CEP85L: variants seen among roughly 807,000 people sequenced by gnomAD.
CEP85L encodes the protein centrosomal protein of 85 kDa-like.
A neutral mutation model predicts 100.3 loss-of-function variants in CEP85L; 60 were observed. That is an observed-to-expected ratio of 0.60 (90% CI 0.49 to 0.74). The LOEUF is 0.74. Ranked by LOEUF, CEP85L falls within the 30% of genes least tolerant of loss-of-function variation. The pLI, the probability that CEP85L is intolerant of heterozygous loss-of-function variation, is 0.00. For missense variants in CEP85L, 973 were observed against 936.2 expected, an observed-to-expected ratio of 1.04 and a Z score of -0.51; for synonymous variants, 319 against 322.7, an observed-to-expected ratio of 0.99 and a Z score of 0.12.
intron 1 of CEP85L, among the ~76,000 whole-genome samples, chr6:118,645,300 A>G (rs1019391170): frequency 1.3e-5 from 2 of 152,038 alleles, no homozygotes; most frequent in African/African-American, 4.8e-5. Flanking sequence ...CCACCTCACC[A>G]ATCTTCTTTT....
intron 6 of CEP85L, among the ~76,000 whole-genome samples, chr6:118,484,460 T>C (rs1774028429): frequency 6.6e-6 from 1 of 152,262 alleles, no homozygotes; most frequent in African/African-American, 2.4e-5. Flanking sequence ...ATAGTTTTTA[T>C]TGCCTGCACA....
intron 1 of CEP85L, among the ~76,000 whole-genome samples, chr6:118,664,053 G>A (rs1392337018): frequency 6.6e-6 from 1 of 151,162 alleles, no homozygotes; most frequent in African/African-American, 2.4e-5. Flanking sequence ...GCACCACTAT[G>A]CCTGCCTAAT....
chr6:118,657,591 G>T (rs772222413), intron 1 of CEP85L, among the ~76,000 whole-genome samples: 1 of 152,208 alleles, frequency 6.6e-6, no homozygotes, highest in Admixed American at 6.5e-5. Context: ...ACTCCAGCCT[G>T]AGCGACAGAG....
chr6:118,635,484 C>T (rs1434345674), intron 1 of CEP85L, among the ~76,000 whole-genome samples: 1 of 152,100 alleles, frequency 6.6e-6, no homozygotes, highest in African/African-American at 2.4e-5. Context: ...ATTACAGGAA[C>T]ATTTACTCCA....
Position 118,593,683 on chromosome 6 carries a change from T to TA in CEP85L, c.233-27368dup, listed in dbSNP as rs35539336. Reference sequence around the variant, plus strand: ...GGCAGCGCATCGCAATAATGCTGTTTAAAAAAAAAAAAAAAAGTATGGTCT... The same window carrying TA: ...GGCAGCGCATCGCAATAATGCTGTTTAAAAAAAAAAAAAAAAAGTATGGTCT... On this transcript the variant is annotated intron_variant, in intron 2 of 12. Transcript: ENST00000368491. Among the ~76,000 whole-genome samples the TA allele has an allele frequency of 3.3e-3, 473 of 142,880 alleles. 4 individuals carry two copies. The highest frequency in any genetic ancestry group is 0.026 in the South Asian group (116 of 4,494). 93.7% of individuals were successfully genotyped at this position (142,880 alleles called of 152,430 possible).
chr6:118,558,511 T>C (rs1256645398), intron 3 of CEP85L, among the ~76,000 whole-genome samples: 1 of 151,792 alleles, frequency 6.6e-6, no homozygotes, highest in African/African-American at 2.4e-5. Flanking sequence ...TGTAGTAAAT[T>C]TGGGAGAAAA....
Position 118,651,448 on chromosome 6 carries a change from C to T in CEP85L, c.-179G>A, listed in dbSNP as rs1323054786. 2 of 1,322,626 alleles carry T rather than the reference C, an allele frequency of 1.5e-6. No individual in the cohort carries two copies. The highest frequency in any genetic ancestry group is 1.9e-6 in the Non-Finnish European group (2 of 1,039,780). 81.9% of individuals were successfully genotyped at this position (1,322,626 alleles called of 1,614,324 possible). The stretch of plus-strand genomic sequence containing the variant: ...GCGGGGAGCGCAGGGGCCAGATTCG[C>T]CGCACTGCCGGCGCCTGCCATGGCC... On this transcript the variant is annotated 5_prime_UTR_variant, in exon 1 of 13. Transcript: ENST00000368491.
At chr6:118,567,247 G>GTATA (rs1323097174) in intron 2 of CEP85L, among the ~76,000 whole-genome samples, 48 of 31,920 alleles carry the variant, frequency 1.5e-3, no homozygotes, top group Non-Finnish European at 2.1e-3. Context: ...GTGTGTGTGT[G>GTATA]TGTATATATA....
chr6:118,637,160 C>CA (rs919770203), intron 1 of CEP85L, among the ~76,000 whole-genome samples: 2 of 152,010 alleles, frequency 1.3e-5, no homozygotes, highest in East Asian at 1.9e-4. Context: ...AACTTTTATA[C>CA]AAAAAAAGCT....
At chr6:118,502,555 T>C in intron 5 of CEP85L, 1 of 478,856 alleles carries the variant, frequency 2.1e-6, no homozygotes, top group Non-Finnish European at 3.9e-6. Flanking sequence ...CTCATGGCAC[T>C]GAAAGCAGTA....
At chr6:118,504,784 C>T (rs1775536409) in intron 5 of CEP85L, among the ~76,000 whole-genome samples, 1 of 152,144 alleles carries the variant, frequency 6.6e-6, no homozygotes, top group Non-Finnish European at 1.5e-5. Flanking sequence ...GGTTCTGACG[C>T]TATCTCTACA....
chr6:118,554,878 T>C (rs1291739505), intron 3 of CEP85L, among the ~76,000 whole-genome samples: 7 of 152,170 alleles, frequency 4.6e-5, no homozygotes, highest in African/African-American at 7.2e-5. Flanking sequence ...GGAGTATTTA[T>C]GGAAAGGTGA....
chr6:118,613,460 A>G lies in CEP85L; in HGVS notation c.232+18993T>C, dbSNP rs1030525049. 1.6e-4 allele frequency among the ~76,000 whole-genome samples: 25 copies of G among 152,120 alleles called. No homozygotes were observed. In the South Asian group the frequency reaches 1.7e-3, roughly 10 times the overall value. On this transcript the variant is annotated intron_variant, in intron 2 of 12. Coordinates refer to ENST00000368491, the MANE Select transcript of CEP85L (RefSeq NM_001042475.3). ...AATTTTAAAATTTCAAAAATTAAAA[A>G]TCTCTGGGCCCACTGGCCAGGTGCA...
At chr6:118,687,865 G>A (rs1388128616) in intron 1 of CEP85L, among the ~76,000 whole-genome samples, 1 of 152,150 alleles carries the variant, frequency 6.6e-6, no homozygotes, top group Non-Finnish European at 1.5e-5. Flanking sequence ...TCCCAATCGG[G>A]CTAAAGGCTT....
rs1291741417 is a variant in CEP85L, at chr6:118,567,239, GTGTGTGTGTGTATATATA to G, written c.233-941_233-924del. On this transcript the variant is annotated intron_variant, in intron 2 of 12. Coordinates refer to ENST00000368491, the MANE Select transcript of CEP85L (RefSeq NM_001042475.3). ...TGTGTGTGTGTGTGTGTGTGTGTGT[GTGTGTGTGTGTATATATA>G]TATATATATATATATATATATATAT... Among the ~76,000 whole-genome samples, 432 of 53,252 alleles carry G rather than the reference GTGTGTGTGTGTATATATA, an allele frequency of 8.1e-3. 1 individual carries two copies. Among genetic ancestry groups the G allele is most frequent in the African/African-American group, 0.024 (304 of 12,822 alleles). The allele number at this position is 53,252 out of a possible 152,430, so 34.9% of individuals were successfully genotyped here.
rs548741816 is a variant in CEP85L, at chr6:118,516,210, C to T, written c.1140-4795G>A. Among the ~76,000 whole-genome samples the T allele has an allele frequency of 4.6e-5, 7 of 152,266 alleles. No individual in the cohort carries two copies. The South Asian group carries it at 1.4e-3, about 32-fold the overall frequency. ...CTATTGTGAATAGTGCTGCGATAAA[C>T]ATACATGTGCATCTGTCTTTATAGG... is the stretch of plus-strand genomic sequence containing the variant. On this transcript the variant is annotated intron_variant, in intron 4 of 12. Coordinates refer to ENST00000368491, the MANE Select transcript of CEP85L (RefSeq NM_001042475.3).
intron 3 of CEP85L, among the ~76,000 whole-genome samples, chr6:118,530,250 CTT>C (rs1465881349): frequency 6.6e-6 from 1 of 151,612 alleles, no homozygotes; most frequent in Admixed American, 6.6e-5. Context: ...CCAGTTCACT[CTT>C]TTTTTTCACA....
intron 1 of CEP85L, among the ~76,000 whole-genome samples, chr6:118,645,957 C>T (rs1226672738): frequency 6.6e-6 from 1 of 152,106 alleles, no homozygotes; most frequent in East Asian, 1.9e-4. Flanking sequence ...TGGTGGCTCA[C>T]GCCTTAATCC....
At chr6:118,627,990 T>C (rs1773913172) in intron 2 of CEP85L, among the ~76,000 whole-genome samples, 2 of 152,098 alleles carry the variant, frequency 1.3e-5, no homozygotes, top group African/African-American at 4.8e-5. Context: ...CTGAGAAGCA[T>C]CTGTGAAGTT....
Sources: gnomAD v4.1 joint callset for allele counts (sites outside exome capture counted in the v4.1 genomes callset) on GRCh38, gnomAD v4.1.1 for gene constraint, MANE v1.5 for transcripts, NCBI Gene and HGNC (gene_info 2026-07-23, HGNC 2026-07-21) for gene names.